CHRM3: variants seen among roughly 807,000 people sequenced by gnomAD.
CHRM3 encodes muscarinic acetylcholine receptor M3.
Under a neutral mutation model 41.8 loss-of-function variants are expected in CHRM3, and 11 were observed. That is an observed-to-expected ratio of 0.26 (90% CI 0.17 to 0.44). The LOEUF (loss-of-function observed/expected upper bound fraction) is 0.44, where lower values mean the gene tolerates loss of function less well. Ranked by LOEUF, CHRM3 falls within the 20% of genes least tolerant of loss-of-function variation. The probability of loss-of-function intolerance (pLI) is 1.00; values close to 1 mark genes in which losing one functional copy is unlikely to be tolerated. For synonymous variants in CHRM3, 297 were observed against 301.4 expected, an observed-to-expected ratio of 0.99 and a Z score of 0.15; for missense variants, 571 against 745.4, an observed-to-expected ratio of 0.77 and a Z score of 2.72.
chr1:239,706,018 T>C (rs1661125350), intron 5 of CHRM3, among the ~76,000 whole-genome samples: 1 of 150,782 alleles, frequency 6.6e-6, no homozygotes, highest in East Asian at 1.9e-4. Flanking sequence ...TCAAAGAGAA[T>C]GATTATCATT....
At chr1:239,454,465 CT>C (rs909644211) in intron 1 of CHRM3, among the ~76,000 whole-genome samples, 5 of 148,346 alleles carry the variant, frequency 3.4e-5, no homozygotes, top group South Asian at 2.2e-4. Flanking sequence ...GAGCCCTGTC[CT>C]TTTTTTTTTC....
intron 2 of CHRM3, among the ~76,000 whole-genome samples, chr1:239,510,543 T>TA (rs1668852720): frequency 6.6e-6 from 1 of 152,020 alleles, no homozygotes; most frequent in Non-Finnish European, 1.5e-5. Flanking sequence ...CTCAGATTTT[T>TA]TTTTTTTTTT....
At chr1:239,812,429 A>G (rs1671187513) in intron 5 of CHRM3, among the ~76,000 whole-genome samples, 1 of 152,232 alleles carries the variant, frequency 6.6e-6, no homozygotes, top group Admixed American at 6.5e-5. Flanking sequence ...AAATGCCTTT[A>G]GGTAAGAAAG....
chr1:239,768,230 T>C (rs187941401), intron 5 of CHRM3, among the ~76,000 whole-genome samples: 16 of 152,302 alleles, frequency 1.1e-4, no homozygotes, highest in African/African-American at 3.8e-4. Context: ...GTAACGTAAA[T>C]TCTTTCTCCT....
chr1:239,632,089 C>T (rs1321395874), intron 3 of CHRM3, 135 bp from the exon 4 acceptor site: 1 of 152,202 alleles, frequency 6.6e-6, no homozygotes, highest in East Asian at 1.9e-4. Context: ...TGGGAAGTCA[C>T]TTCCAACTCA....
At chr1:239,475,506 CA>C (rs990778061) in intron 1 of CHRM3, among the ~76,000 whole-genome samples, 1 of 151,908 alleles carries the variant, frequency 6.6e-6, no homozygotes, top group Non-Finnish European at 1.5e-5. Flanking sequence ...TTGAGGTCAT[CA>C]AAAATAACCA....
At chr1:239,797,998 G>A (rs1669928222) in intron 5 of CHRM3, among the ~76,000 whole-genome samples, 1 of 152,110 alleles carries the variant, frequency 6.6e-6, no homozygotes, top group African/African-American at 2.4e-5. Flanking sequence ...GCAGTGAGCT[G>A]TGATTGCACC....
chr1:239,673,925 C>G (rs1413432484), intron 4 of CHRM3, among the ~76,000 whole-genome samples: 1 of 152,074 alleles, frequency 6.6e-6, no homozygotes, highest in Non-Finnish European at 1.5e-5. Flanking sequence ...CTAAAACACT[C>G]CAAAATCTAA....
At chr1:239,878,872 A>T (rs1296084822) in intron 6 of CHRM3, among the ~76,000 whole-genome samples, 3 of 152,146 alleles carry the variant, frequency 2.0e-5, no homozygotes, top group Non-Finnish European at 4.4e-5. Context: ...CCCCTAATTC[A>T]GCCTGAGGAG....
intron 1 of CHRM3, among the ~76,000 whole-genome samples, chr1:239,461,276 A>G (rs191142604): frequency 7.9e-5 from 12 of 152,296 alleles, no homozygotes; most frequent in Non-Finnish European, 1.3e-4. Context: ...TTTATAGTAT[A>G]ATGAAGGCAT....
chr1:239,718,883 G>C (rs182699821), intron 5 of CHRM3: 3 of 151,900 alleles, frequency 2.0e-5, no homozygotes, highest in Non-Finnish European at 4.4e-5. Flanking sequence ...GTAACTAACA[G>C]TACATCTTTT....
At chr1:239,444,327 C>T (rs1663961691) in intron 1 of CHRM3, among the ~76,000 whole-genome samples, 1 of 152,090 alleles carries the variant, frequency 6.6e-6, no homozygotes, top group Admixed American at 6.6e-5. Context: ...TACTGAGTTA[C>T]CATAGGTCAC....
intron 6 of CHRM3, among the ~76,000 whole-genome samples, chr1:239,854,341 G>A (rs1301442409): frequency 6.6e-6 from 1 of 151,924 alleles, no homozygotes; most frequent in Non-Finnish European, 1.5e-5. Flanking sequence ...GCTCCTTTGT[G>A]CCAGAGACTA....
rs182405925 is a variant in CHRM3, at chr1:239,595,873, T to C, written c.-312-36351T>C. Reference sequence around the variant, plus strand: ...TTCTTTAATTTTACAGATAGTCCCATAATTCTGAATACTGTTATACCAATC... The same window carrying C: ...TTCTTTAATTTTACAGATAGTCCCACAATTCTGAATACTGTTATACCAATC... On this transcript the variant is annotated intron_variant, in intron 3 of 6. Coordinates refer to ENST00000676153, the MANE Select transcript of CHRM3 (RefSeq NM_001375978.1). Among the ~76,000 whole-genome samples, 422 of 152,282 alleles carry C rather than the reference T, an allele frequency of 2.8e-3. 2 individuals are homozygous for C. The highest frequency in any genetic ancestry group is 9.6e-3 in the African/African-American group (400 of 41,582).
intron 6 of CHRM3, among the ~76,000 whole-genome samples, chr1:239,879,980 C>T (rs577095257): frequency 6.6e-6 from 1 of 152,308 alleles, no homozygotes; most frequent in African/African-American, 2.4e-5. Flanking sequence ...CTTGTTCTGC[C>T]TGTCACACAG....
At chr1:239,694,477 G>A (rs2148019368) in intron 5 of CHRM3, among the ~76,000 whole-genome samples, 1 of 152,268 alleles carries the variant, frequency 6.6e-6, no homozygotes, top group East Asian at 1.9e-4. Context: ...CAAAAAATAA[G>A]GAAAGGTCTT....
intron 6 of CHRM3, among the ~76,000 whole-genome samples, chr1:239,883,894 A>C (rs1438009016): frequency 6.6e-6 from 1 of 152,204 alleles, no homozygotes; most frequent in Non-Finnish European, 1.5e-5. Flanking sequence ...AGTATTTTTG[A>C]AAGAGCATCT....
At chr1:239,563,648 T>G (rs1055081645) in intron 3 of CHRM3, among the ~76,000 whole-genome samples, 1 of 152,124 alleles carries the variant, frequency 6.6e-6, no homozygotes, top group Non-Finnish European at 1.5e-5. Flanking sequence ...AATGGAAAAG[T>G]TGTGCTTTGT....
rs559758760 is a variant in CHRM3, at chr1:239,394,877, A to G, written c.-521+7650A>G. 3.3e-5 allele frequency among the ~76,000 whole-genome samples: 5 copies of G among 152,100 alleles called. No individual in the cohort carries two copies. In the East Asian group the frequency reaches 9.6e-4, roughly 29 times the overall value. ...TATGTGCCACTTCTAAATTTTCATG[A>G]TTTTTCTTAACCTTTTCAATTACAC... On this transcript the variant is annotated intron_variant, in intron 1 of 6. Transcript: ENST00000676153.
Sources: gnomAD v4.1 joint callset for allele counts (sites outside exome capture counted in the v4.1 genomes callset) on GRCh38, gnomAD v4.1.1 for gene constraint, MANE v1.5 for transcripts, NCBI Gene and HGNC (gene_info 2026-07-23, HGNC 2026-07-21) for gene names.